Variants in SMC5 observed in about 807,000 individuals in gnomAD.
SMC5 encodes the protein structural maintenance of chromosomes 5, also known as structural maintenance of chromosomes protein 5.
SMC5 carries 88 observed loss-of-function variants against 148.3 expected under a neutral mutation model. The observed-to-expected ratio is 0.59, with a 90% CI of 0.50 to 0.71. The LOEUF is 0.71. Ranked by LOEUF, SMC5 falls within the 30% of genes least tolerant of loss-of-function variation. The pLI, the probability that SMC5 is intolerant of heterozygous loss-of-function variation, is 0.00. For synonymous variants in SMC5, 421 were observed against 432.8 expected, an observed-to-expected ratio of 0.97 and a Z score of 0.34; for missense variants, 1,142 against 1,298.9, an observed-to-expected ratio of 0.88 and a Z score of 1.86.
intron 12 of SMC5, among the ~76,000 whole-genome samples, chr9:70,315,117 T>C (rs2035761167): frequency 6.6e-6 from 1 of 152,008 alleles, no homozygotes; most frequent in Non-Finnish European, 1.5e-5. Context: ...CCCTTCATAA[T>C]GCAGAAACAA....
chr9:70,296,731 C>T (rs1327778156), intron 8 of SMC5, among the ~76,000 whole-genome samples: 1 of 152,054 alleles, frequency 6.6e-6, no homozygotes, highest in Non-Finnish European at 1.5e-5. Context: ...TTAAATTTAT[C>T]TATTTTAATG....
chr9:70,303,348 G>T (rs375001587), intron 10 of SMC5, among the ~76,000 whole-genome samples: 2 of 151,912 alleles, frequency 1.3e-5, no homozygotes, highest in South Asian at 2.1e-4. Flanking sequence ...GGTCATTTTG[G>T]GGTTACTTTT....
chr9:70,270,719 T>A (rs1282249479), intron 3 of SMC5, among the ~76,000 whole-genome samples: 1 of 144,004 alleles, frequency 6.9e-6, no homozygotes, highest in Non-Finnish European at 1.5e-5. Context: ...CAATCTCGGC[T>A]CACTGCAACC....
chr9:70,296,385 A>G (rs2035201154), intron 8 of SMC5, among the ~76,000 whole-genome samples: 1 of 152,076 alleles, frequency 6.6e-6, no homozygotes, highest in African/African-American at 2.4e-5. Context: ...AACATGGTGA[A>G]AACCCAGTTC....
chr9:70,347,995 C>G lies in SMC5; in HGVS notation c.2846C>G (p.Ser949Cys), dbSNP rs780124157. 1.9e-6 allele frequency: 3 copies of G among 1,605,848 alleles called. No homozygotes were observed. Among genetic ancestry groups the G allele is most frequent in the Middle Eastern group, 1.8e-4 (1 of 5,630 alleles). The change falls in exon 22 of 25, where the codon TCC (serine) becomes TGC (cysteine). Residue 949 changes from serine (S) to cysteine (C), a missense_variant. Coordinates refer to ENST00000361138, the MANE Select transcript of SMC5 (RefSeq NM_015110.4). ...INEKFSNFFS[S>C]MQCAGEVDLH... ...GAAAAATTCAGCAATTTTTTTAGTT[C>G]CATGCAGTGTGCTGGTGAAGTTGAT... is the stretch of plus-strand genomic sequence containing the variant.
chr9:70,269,535 T>C (rs943788890), intron 3 of SMC5, among the ~76,000 whole-genome samples: 9 of 152,084 alleles, frequency 5.9e-5, no homozygotes, highest in African/African-American at 1.7e-4. Context: ...GAGCCATGAT[T>C]GTGCCACCGC....
chr9:70,332,053 T>C (rs2036231877), intron 17 of SMC5, among the ~76,000 whole-genome samples: 1 of 152,174 alleles, frequency 6.6e-6, no homozygotes, highest in Non-Finnish European at 1.5e-5. Flanking sequence ...ATTTGACAAC[T>C]TTGATGAAAT....
At chr9:70,269,531 T>C (rs1261956098) in intron 3 of SMC5, among the ~76,000 whole-genome samples, 1 of 152,058 alleles carries the variant, frequency 6.6e-6, no homozygotes, top group Non-Finnish European at 1.5e-5. Context: ...TAGTGAGCCA[T>C]GATTGTGCCA....
At position 70,299,934 on chromosome 9, in the gene SMC5, G is replaced by A. The variant is rs1044117144; in HGVS notation, c.1310-112G>A. 8.4e-5 allele frequency: 74 copies of A among 879,474 alleles called. No homozygotes were observed. The Admixed American group carries it at 2.6e-3, about 31-fold the overall frequency. 54.5% of individuals were successfully genotyped at this position (879,474 alleles called of 1,614,324 possible). A position where few individuals can be genotyped will look rare whatever the true frequency, so the allele number is the denominator to read the frequency against. ...TTTTCCACTATGGGAGTTACTTGCT[G>A]AGTGGTGTTTGTAACCTTTAGAACT... On this transcript the variant is annotated intron_variant, in intron 9 of 24. Coordinates refer to ENST00000361138, the MANE Select transcript of SMC5 (RefSeq NM_015110.4).
chr9:70,345,080 T>G (rs2036632310), intron 18 of SMC5, among the ~76,000 whole-genome samples: 1 of 152,154 alleles, frequency 6.6e-6, no homozygotes, highest in South Asian at 2.1e-4. Flanking sequence ...ACTTAGTAGA[T>G]ATCTTTAAAA....
intron 13 of SMC5, among the ~76,000 whole-genome samples, chr9:70,316,491 A>G (rs968342159): frequency 6.6e-6 from 1 of 152,044 alleles, no homozygotes; most frequent in African/African-American, 2.4e-5. Context: ...TATTATGGTA[A>G]TCATTTGGGA....
intron 10 of SMC5, among the ~76,000 whole-genome samples, chr9:70,303,463 A>G (rs902523064): frequency 6.6e-6 from 1 of 152,110 alleles, no homozygotes; most frequent in African/African-American, 2.4e-5. Flanking sequence ...TTGCGAAACA[A>G]TAGGCTGATT....
chr9:70,278,662 A>T, intron 5 of SMC5, 37 bp downstream of exon 5: 1 of 1,567,576 alleles, frequency 6.4e-7, no homozygotes, highest in Non-Finnish European at 8.6e-7. Flanking sequence ...ATTGTTTCTT[A>T]TTGATTTCTG....
chr9:70,259,237 C>A lies in SMC5; in HGVS notation c.159C>A (p.Ile53=), dbSNP rs1400469463. 1 of 1,597,550 alleles carries A rather than the reference C, an allele frequency of 6.3e-7. No homozygotes were observed. The highest frequency in any genetic ancestry group is 8.5e-7 in the Non-Finnish European group (1 of 1,171,580). ...QSSGPFVEGS[I]VRISMENFLT... is the part of the protein sequence containing the mutation. ...CCGGGCCTTTCGTGGAAGGCTCTAT[C>A]GTCCGCATCTCGATGGAGAACTTCC... The change falls in exon 1 of 25, where the codon ATC becomes ATA. Residue 53 remains isoleucine (I), a synonymous_variant. Coordinates refer to ENST00000361138, the MANE Select transcript of SMC5 (RefSeq NM_015110.4).
At chr9:70,291,525 A>G (rs1265052835) in intron 8 of SMC5, among the ~76,000 whole-genome samples, 1 of 152,202 alleles carries the variant, frequency 6.6e-6, no homozygotes, top group Non-Finnish European at 1.5e-5. Flanking sequence ...ATGACCTTCT[A>G]GAATCCCAGG....
intron 2 of SMC5, 42 bp from the exon 3 acceptor site, chr9:70,267,881 G>C: frequency 6.6e-7 from 1 of 1,526,410 alleles, no homozygotes; most frequent in Non-Finnish European, 8.9e-7. Context: ...GTTAACCTGG[G>C]AATGTCACTA....
intron 15 of SMC5, among the ~76,000 whole-genome samples, chr9:70,319,537 C>G (rs1381683558): frequency 6.6e-6 from 1 of 152,058 alleles, no homozygotes; most frequent in Non-Finnish European, 1.5e-5. Context: ...GGAAATCTGG[C>G]TTCCCATAAA....
chr9:70,347,224 C>A (rs1039837249), intron 20 of SMC5, 63 bp downstream of exon 20: 1 of 1,299,128 alleles, frequency 7.7e-7, no homozygotes, highest in Non-Finnish European at 1.1e-6. Context: ...CCCATACACA[C>A]ACATACACAC....
chr9:70,303,666 A>G (rs1383888458), intron 10 of SMC5, among the ~76,000 whole-genome samples: 1 of 152,230 alleles, frequency 6.6e-6, no homozygotes, highest in Non-Finnish European at 1.5e-5. Context: ...TCTATGAGGT[A>G]TAAACTGTTT....
Sources: gnomAD v4.1 joint callset for allele counts (sites outside exome capture counted in the v4.1 genomes callset) on GRCh38, gnomAD v4.1.1 for gene constraint, MANE v1.5 for transcripts, NCBI Gene and HGNC (gene_info 2026-07-23, HGNC 2026-07-21) for gene names.